Variants in GCN1 observed in about 807,000 individuals in gnomAD.
GCN1 encodes GCN1 activator of EIF2AK4, also known as stalled ribosome sensor GCN1.
A neutral mutation model predicts 288.4 loss-of-function variants in GCN1; 90 were observed. The observed-to-expected ratio is 0.31, with a 90% confidence interval of 0.26 to 0.37. The LOEUF is 0.37. GCN1 is among the 10% of genes least tolerant of loss of function. The pLI is 1.00. For synonymous variants in GCN1, 1,386 were observed against 1,420.2 expected (o/e 0.98, Z 0.54); for missense variants, 2,586 against 3,419.9 (o/e 0.76, Z 6.08).
In GCN1 at chr12:120,162,922, G is replaced by A. The variant is rs759047082; in HGVS notation, c.2088C>T (p.Ile696=). The change falls in exon 20 of 58, where the codon ATC becomes ATT. Residue 696 remains isoleucine, a synonymous_variant. Coordinates refer to ENST00000300648, the MANE Select transcript of GCN1 (RefSeq NM_006836.2). ...GCCTGGTGATAAAGGCTTCAGGATC[G>A]ATCTTCATCCTGGCAAGAAGTGCTG... ...LWPALLARMK[I]DPEAFITRHL... is the part of the protein sequence containing the mutation. The A allele has an allele frequency of 8.1e-6, 13 of 1,613,938 alleles. No homozygotes were observed. Among genetic ancestry groups the A allele is most frequent in the African/African-American group, 2.7e-5 (2 of 74,922 alleles).
At chr12:120,181,635 T>C (rs931319994) in intron 5 of GCN1, among the ~76,000 whole-genome samples, 23 of 147,564 alleles carry the variant, frequency 1.6e-4, no homozygotes, top group African/African-American at 5.3e-4. Flanking sequence ...AGGTCAGGAG[T>C]TCGAGACCAG....
chr12:120,157,854 C>G lies in GCN1; in HGVS notation c.3082G>C (p.Asp1028His). 1.9e-6 allele frequency: 3 copies of G among 1,613,228 alleles called. No individual in the cohort carries two copies. The highest frequency in any genetic ancestry group is 2.5e-6 in the Non-Finnish European group (3 of 1,179,538). ...AGCAGAGCTTCCCTGCCAACCTCGTCCACCCGCCCGGGTGGGGTGTTGGGG... is the reference window on the plus strand; with the variant it reads ...AGCAGAGCTTCCCTGCCAACCTCGTGCACCCGCCCGGGTGGGGTGTTGGGG... ...ASPNTPPGRV[D>H]ENGPELLPRV... The change falls in exon 26 of 58, where the codon GAC (aspartate) becomes CAC (histidine). Residue 1028 changes from aspartate (D) to histidine (H), a missense_variant. By Grantham distance (81) the Asp-to-His change is moderately conservative. Transcript: ENST00000300648.
Position 120,131,956 on chromosome 12 carries a change from G to A in GCN1, c.7384C>T (p.Leu2462Phe). The change falls in exon 54 of 58, where the codon CTT (leucine) becomes TTT (phenylalanine). Residue 2462 changes from leucine to phenylalanine, a missense_variant. Coordinates refer to ENST00000300648, the MANE Select transcript of GCN1 (RefSeq NM_006836.2). ...AAGCACTGCTGTAGAACGGCACTAAGCTCCTCTTCAGTCAAAAAGGCACAC... is the reference window on the plus strand; with the variant it reads ...AAGCACTGCTGTAGAACGGCACTAAACTCCTCTTCAGTCAAAAAGGCACAC... ...ELCAFLTEEE[L>F]SAVLQQCLLA... 1 of 1,605,462 alleles carries A rather than the reference G, an allele frequency of 6.2e-7. No homozygotes were observed. The highest frequency in any genetic ancestry group is 8.5e-7 in the Non-Finnish European group (1 of 1,175,276).
In GCN1 at chr12:120,137,133, G is replaced by C. The variant is rs1044772477; in HGVS notation, c.6777+73C>G. On this transcript the variant is annotated intron_variant, in intron 50 of 57. Coordinates refer to ENST00000300648, the MANE Select transcript of GCN1 (RefSeq NM_006836.2). This position sits in a 1 kb window ranked among gnomAD's most constrained non-coding sequence, Gnocchi z 5.2. ...CTCCAGCAGCCCCTACCGCAGACCT[G>C]GGACAGGGGTAAGGGCCAGAAGGGC... 4.6e-6 allele frequency: 5 copies of C among 1,088,552 alleles called. No homozygotes were observed. The highest frequency in any genetic ancestry group is 2.8e-4 in the Middle Eastern group (1 of 3,624). The allele number at this position is 1,088,552 out of a possible 1,614,324, so 67.4% of individuals were successfully genotyped here.
chr12:120,177,749 C>A lies in GCN1; in HGVS notation c.664G>T (p.Ala222Ser). 1 of 1,609,546 alleles carries A rather than the reference C, an allele frequency of 6.2e-7. No individual in the cohort carries two copies. Residue 222 changes from alanine (A) to serine (S), a missense_variant, in exon 8 of 58, where the codon GCC (alanine) becomes TCC (serine). Physicochemically the swap from Ala to Ser is moderately conservative, Grantham distance 99. Transcript: ENST00000300648. ...TTCTTCATGTAAAAGTCCAGTAGGG[C>A]GCTCTAGAGAACACAAAGCTCTGGT... ...EMDVVSQHKS[A>S]LLDFYMKNIL...
intron 33 of GCN1, among the ~76,000 whole-genome samples, chr12:120,152,636 C>T (rs1877601172): frequency 7.7e-6 from 1 of 130,442 alleles, no homozygotes; most frequent in Admixed American, 7.8e-5. Context: ...CACACACACG[C>T]GCACACACAC....
At chr12:120,174,032 G>A in intron 13 of GCN1, 39 bp downstream of exon 13, 1 of 1,255,536 alleles carries the variant, frequency 8.0e-7, no homozygotes, top group Non-Finnish European at 1.2e-6. Context: ...GGTCAAGGAT[G>A]AGTACAGAAC....
Position 120,130,662 on chromosome 12 carries a change from G to T in GCN1, c.7655C>A (p.Ser2552Tyr), listed in dbSNP as rs570700576. 6.2e-7 allele frequency: 1 copy of T among 1,613,084 alleles called. No individual in the cohort carries two copies. Among genetic ancestry groups the T allele is most frequent in the East Asian group, 2.2e-5 (1 of 44,870 alleles). ...CCCACTCACCTTAACGAACAGGCTG[G>T]AAAGTTTGGCCGGCAACTGCCCTCC... The part of the protein sequence containing the change: ...TGGGQLPAKL[S>Y]SLFVKCLQNP... The change falls in exon 56 of 58, where the codon TCC becomes TAC. Residue 2552 changes from serine (S) to tyrosine (Y), a missense_variant. Ser to Tyr is a moderately radical substitution (Grantham distance 144). This residue lies in a region of GCN1 where 355 missense variants were observed against 431.1 expected (regional missense o/e 0.82). Transcript: ENST00000300648.
rs936426487 is a variant in GCN1 at position 120,158,787 on chromosome 12, C to A, written c.2750-172G>T. 2.0e-5 allele frequency among the ~76,000 whole-genome samples: 3 copies of A among 152,018 alleles called. No homozygotes were observed. The highest frequency in any genetic ancestry group is 4.1e-4 in the South Asian group (2 of 4,822). On this transcript the variant is annotated intron_variant, in intron 24 of 57. Transcript: ENST00000300648. The surrounding 1 kb of genome is among the most constrained non-coding windows in gnomAD (Gnocchi z 4.3). ...CAGCACTTTGGGAGGCCGAGGCGGG[C>A]GGATCATGAGGTCAGGAGATTGAGA...
intron 10 of GCN1, 74 bp downstream of exon 10, chr12:120,176,069 G>T: frequency 7.7e-7 from 1 of 1,302,346 alleles, no homozygotes; most frequent in Non-Finnish European, 1.1e-6. Context: ...CCCTACCCCT[G>T]CTACAACAAT....
intron 2 of GCN1, among the ~76,000 whole-genome samples, chr12:120,186,477 G>A (rs1878824189): frequency 6.6e-6 from 1 of 152,174 alleles, no homozygotes. Context: ...CTTCTGAGGA[G>A]GAGGAAATTT....
Position 120,130,747 on chromosome 12 carries a change from T to C in GCN1, c.7570A>G (p.Ile2524Val). ...LSSATADRIP[I>V]AVSGVRGMGF... ...ATGCCCCGGACCCCGCTCACCGCAA[T>C]GGGGATCTGTGGAGAACAGACAGCG... is the stretch of plus-strand genomic sequence containing the variant. Residue 2524 changes from isoleucine (I) to valine (V), a missense_variant, in exon 56 of 58, where the codon ATT (isoleucine) becomes GTT (valine). Around this residue, in one of 8 missense-constraint regions of GCN1, gnomAD observed 355 missense variants for 431.1 expected, o/e 0.82. Transcript: ENST00000300648. 1 of 1,607,390 alleles carries C rather than the reference T, an allele frequency of 6.2e-7. No homozygotes were observed. The highest frequency in any genetic ancestry group is 1.1e-5 in the South Asian group (1 of 90,938).
chr12:120,128,090 C>T (rs1566294429), intron 57 of GCN1, 116 bp from the exon 58 acceptor site: 2 of 1,064,766 alleles, frequency 1.9e-6, no homozygotes, highest in South Asian at 1.5e-5. Context: ...CTGAGGTGGA[C>T]TCTGGCAAAA....
At chr12:120,166,553 A>C (rs1167045468) in intron 16 of GCN1, among the ~76,000 whole-genome samples, 2 of 151,100 alleles carry the variant, frequency 1.3e-5, no homozygotes. Context: ...AAATACAAAA[A>C]ATTAGCCAGG....
intron 33 of GCN1, among the ~76,000 whole-genome samples, chr12:120,151,825 C>T (rs766582347): frequency 1.3e-5 from 2 of 152,182 alleles, no homozygotes; most frequent in Non-Finnish European, 2.9e-5. Flanking sequence ...GGACCAGGCA[C>T]AAATTGAGTG....
chr12:120,139,571 T>C (rs1877124111), intron 45 of GCN1, among the ~76,000 whole-genome samples: 1 of 151,662 alleles, frequency 6.6e-6, no homozygotes, highest in East Asian at 1.9e-4. Flanking sequence ...AAGGTTACAA[T>C]GAGCTATGAT....
Position 120,144,204 on chromosome 12 carries a change from G to A in GCN1, c.5495+102C>T, listed in dbSNP as rs1006680670. ...TTGCCAGGGCTCATCGTAAACTCCT[G>A]GGTTTAAGCAATCCTCCTGCCTCGG... On this transcript the variant is annotated intron_variant, in intron 42 of 57. Transcript: ENST00000300648. The surrounding 1 kb of genome is among the most constrained non-coding windows in gnomAD (Gnocchi z 4.7). 2 of 1,312,174 alleles carry A rather than the reference G, an allele frequency of 1.5e-6. No individual in the cohort carries two copies. The highest frequency in any genetic ancestry group is 3.7e-4 in the Middle Eastern group (2 of 5,410). The allele number at this position is 1,312,174 out of a possible 1,614,324, so 81.3% of individuals were successfully genotyped here. A position where few individuals can be genotyped will look rare whatever the true frequency, so the allele number is the denominator to read the frequency against.
Position 120,157,273 on chromosome 12 carries a change from G to T in GCN1, c.3088-281C>A, listed in dbSNP as rs1246298301. 8.5e-5 allele frequency among the ~76,000 whole-genome samples: 13 copies of T among 152,214 alleles called. No homozygotes were observed. The South Asian group carries it at 2.1e-3, about 24-fold the overall frequency. ...TATGAAGAGACACTCAACTTTAAAT[G>T]AAATGCAAAATAAAATGAGATTATC... On this transcript the variant is annotated intron_variant, in intron 26 of 57. Transcript: ENST00000300648.
In GCN1 at chr12:120,153,072, CGA is replaced by C; in HGVS notation, c.4062+139_4062+140del. 1 of 663,812 alleles carries C rather than the reference CGA, an allele frequency of 1.5e-6. No individual in the cohort carries two copies. Among genetic ancestry groups the C allele is most frequent in the Non-Finnish European group, 2.6e-6 (1 of 388,784 alleles). The allele number at this position is 663,812 out of a possible 1,614,324, so 41.1% of individuals were successfully genotyped here. A position where few individuals can be genotyped will look rare whatever the true frequency, so the allele number is the denominator to read the frequency against. On this transcript the variant is annotated intron_variant, in intron 33 of 57. Transcript: ENST00000300648. The surrounding 1 kb of genome is among the most constrained non-coding windows in gnomAD (Gnocchi z 4.4). Reference sequence around the variant, plus strand: ...TGACTATAAACCAGGCTCTCCCCTGCGAGAGGGGGTGAATCCTTAACAAGAAC... The same window carrying C: ...TGACTATAAACCAGGCTCTCCCCTGCGAGGGGGTGAATCCTTAACAAGAAC...
Sources: allele counts gnomAD v4.1 joint callset (sites outside exome capture counted in the v4.1 genomes callset), GRCh38; gene constraint gnomAD v4.1.1; regional missense constraint gnomAD v4.1.1; non-coding constraint Gnocchi (gnomAD v3.1); transcripts MANE v1.5; gene names NCBI Gene and HGNC (gene_info 2026-07-23, HGNC 2026-07-21).